NRXN1: variants seen among roughly 807,000 people sequenced by gnomAD.
NRXN1 encodes neurexin-1.
Under a neutral mutation model 150.9 loss-of-function variants are expected in NRXN1, and 39 were observed. The ratio of observed to expected loss-of-function variants is 0.26; its 90% CI spans 0.20 to 0.34. The LOEUF (loss-of-function observed/expected upper bound fraction) is 0.34, where lower values mean the gene tolerates loss of function less well. NRXN1 is among the 10% of genes least tolerant of loss of function. NRXN1 has a pLI of 1.00. For synonymous variants in NRXN1, 924 were observed against 757.0 expected, an observed-to-expected ratio of 1.22 and a Z score of -3.62; for missense variants, 1,815 against 1,949.9, an observed-to-expected ratio of 0.93 and a Z score of 1.30.
intron 5 of NRXN1, among the ~76,000 whole-genome samples, chr2:50,762,835 A>C (rs1412730714): frequency 1.3e-5 from 2 of 151,674 alleles, no homozygotes; most frequent in African/African-American, 4.8e-5. Flanking sequence ...AGAATAATTT[A>C]TTTTCTTTTG....
At chr2:50,258,469 C>T (rs1029914707) in intron 17 of NRXN1, among the ~76,000 whole-genome samples, 3 of 152,030 alleles carry the variant, frequency 2.0e-5, no homozygotes, top group Non-Finnish European at 4.4e-5. Context: ...GTCACATGTC[C>T]AGGCTTCACT....
chr2:50,261,660 A>G (rs769550428), intron 17 of NRXN1, among the ~76,000 whole-genome samples: 1 of 151,888 alleles, frequency 6.6e-6, no homozygotes, highest in Non-Finnish European at 1.5e-5. Context: ...TCCAAAATAG[A>G]TTCCTTTAAT....
chr2:50,022,215 CT>C (rs1687677964), intron 21 of NRXN1, among the ~76,000 whole-genome samples: 1 of 152,170 alleles, frequency 6.6e-6, no homozygotes, highest in African/African-American at 2.4e-5. Context: ...ATCTCCTGAC[CT>C]CATGATCTGC....
rs191748321 is a variant in NRXN1, at chr2:50,096,970, G to T, written c.3547-5476C>A. On this transcript the variant is annotated intron_variant, in intron 18 of 22. Coordinates refer to ENST00000401669, the MANE Select transcript of NRXN1 (RefSeq NM_001330078.2). ...TGGGTATACTTCAAGCAAGATGTCT[G>T]CATGTTACAGATGCATATATAATAT... 2.7e-3 allele frequency among the ~76,000 whole-genome samples: 405 copies of T among 152,280 alleles called. 2 individuals are homozygous for T. Among genetic ancestry groups the T allele is most frequent in the Non-Finnish European group, 3.5e-3 (238 of 68,010 alleles).
At chr2:50,274,091 A>G (rs1336907615) in intron 17 of NRXN1, among the ~76,000 whole-genome samples, 1 of 152,172 alleles carries the variant, frequency 6.6e-6, no homozygotes, top group Non-Finnish European at 1.5e-5. Flanking sequence ...GTTTATTGCG[A>G]CACTATTTAC....
chr2:50,194,007 T>C (rs1239887102), intron 18 of NRXN1, among the ~76,000 whole-genome samples: 1 of 152,186 alleles, frequency 6.6e-6, no homozygotes, highest in African/African-American at 2.4e-5. Flanking sequence ...ATCTGTTATG[T>C]AATTTAACTC....
At chr2:50,955,683 G>C (rs377508917) in intron 2 of NRXN1, among the ~76,000 whole-genome samples, 6 of 152,292 alleles carry the variant, frequency 3.9e-5, no homozygotes, top group Admixed American at 6.5e-5. Flanking sequence ...AGTTGAGATT[G>C]AAAGCAATTC....
intron 8 of NRXN1, among the ~76,000 whole-genome samples, chr2:50,570,792 A>T (rs2105456119): frequency 6.6e-6 from 1 of 152,326 alleles, no homozygotes; most frequent in Non-Finnish European, 1.5e-5. Flanking sequence ...TTGTTAAAAT[A>T]AAGACTCAAA....
chr2:50,492,032 A>C (rs1470909163), intron 15 of NRXN1, among the ~76,000 whole-genome samples: 1 of 152,150 alleles, frequency 6.6e-6, no homozygotes, highest in African/African-American at 2.4e-5. Context: ...GCTCCCTCCC[A>C]TATATATGCA....
intron 5 of NRXN1, among the ~76,000 whole-genome samples, chr2:50,872,590 G>A (rs1677948876): frequency 6.6e-6 from 1 of 151,418 alleles, no homozygotes; most frequent in African/African-American, 2.4e-5. Context: ...TTAGGCCAGG[G>A]CTCAAGAAAA....
intron 17 of NRXN1, among the ~76,000 whole-genome samples, chr2:50,245,474 G>C (rs766684197): frequency 3.3e-5 from 5 of 151,936 alleles, no homozygotes; most frequent in Non-Finnish European, 7.4e-5. Context: ...AAGTAACTCA[G>C]TAATCAATTT....
At chr2:50,254,303 C>CTT (rs3080643) in intron 17 of NRXN1, among the ~76,000 whole-genome samples, 60,312 of 149,182 alleles carry the variant, frequency 0.4, 12,395 homozygotes, top group Middle Eastern at 0.45. Context: ...ATTATTTTCT[C>CTT]TTTTTTTTTA....
chr2:50,563,080 T>C (rs1265757675), intron 8 of NRXN1, among the ~76,000 whole-genome samples: 1 of 152,206 alleles, frequency 6.6e-6, no homozygotes. Context: ...TCACTGAATA[T>C]TTTTAAATGA....
At chr2:50,026,259 C>T (rs1398865632) in intron 21 of NRXN1, among the ~76,000 whole-genome samples, 2 of 152,152 alleles carry the variant, frequency 1.3e-5, no homozygotes, top group Non-Finnish European at 2.9e-5. Flanking sequence ...ATCTGAAACA[C>T]CGTAATTTTT....
At chr2:49,984,450 A>C (rs1355241963) in intron 21 of NRXN1, among the ~76,000 whole-genome samples, 4 of 152,100 alleles carry the variant, frequency 2.6e-5, no homozygotes, top group Admixed American at 2.6e-4. Flanking sequence ...AGCAATAAAA[A>C]CTTTTTTTCC....
At chr2:50,677,892 C>A (rs1424146092) in intron 5 of NRXN1, among the ~76,000 whole-genome samples, 1 of 151,994 alleles carries the variant, frequency 6.6e-6, no homozygotes, top group Non-Finnish European at 1.5e-5. Flanking sequence ...CAAATCACCA[C>A]CTACTTTTAA....
intron 17 of NRXN1, among the ~76,000 whole-genome samples, chr2:50,384,416 G>A (rs1434909890): frequency 2.1e-5 from 3 of 144,666 alleles, no homozygotes; most frequent in Non-Finnish European, 3.0e-5. Flanking sequence ...TAAGGCAGGC[G>A]AATTGCTTGA....
intron 19 of NRXN1, among the ~76,000 whole-genome samples, chr2:50,058,556 T>G (rs1693996619): frequency 1.3e-5 from 2 of 152,088 alleles, no homozygotes; most frequent in South Asian, 4.1e-4. Context: ...ACTAATGACT[T>G]TGTTCTCCTA....
intron 17 of NRXN1, among the ~76,000 whole-genome samples, chr2:50,263,441 AATT>A (rs945978638): frequency 6.6e-6 from 1 of 152,080 alleles, no homozygotes; most frequent in Non-Finnish European, 1.5e-5. Flanking sequence ...AAATGACACA[AATT>A]ATTATTTTTA....
Sources: allele counts gnomAD v4.1 joint callset (sites outside exome capture counted in the v4.1 genomes callset), GRCh38; gene constraint gnomAD v4.1.1; transcripts MANE v1.5; gene names NCBI Gene and HGNC (gene_info 2026-07-23, HGNC 2026-07-21).